GNAS: variants seen among roughly 807,000 people sequenced by gnomAD.
The protein encoded by GNAS is protein ALEX.
A neutral mutation model predicts 54.5 loss-of-function variants in GNAS; 8 were observed. The observed-to-expected ratio is 0.15, with a 90% CI of 0.09 to 0.26. The LOEUF (loss-of-function observed/expected upper bound fraction) is 0.26. Ranked by LOEUF, GNAS falls within the 10% of genes least tolerant of loss-of-function variation. The pLI is 1.00. For synonymous variants in GNAS, 204 were observed against 191.4 expected, an observed-to-expected ratio of 1.07 and a Z score of -0.54; for missense variants, 170 against 529.8, an observed-to-expected ratio of 0.32 and a Z score of 6.67.
At position 58,891,650 on chromosome 20, in the gene GNAS, C is replaced by T. The variant is rs2089346939; in HGVS notation, c.-77C>T. On this transcript the variant is annotated 5_prime_UTR_variant, in exon 1 of 13. Coordinates refer to ENST00000371085, the MANE Select transcript of GNAS (RefSeq NM_000516.7). ...GCCCGCCCGCCCGGCGCTGCCCCGGCCCTCCCGGCCCGCGTGAGGCCGCCC... is the reference window on the plus strand; with the variant it reads ...GCCCGCCCGCCCGGCGCTGCCCCGGTCCTCCCGGCCCGCGTGAGGCCGCCC... The T allele has an allele frequency of 6.2e-6, 6 of 970,962 alleles. No homozygotes were observed. Among genetic ancestry groups the T allele is most frequent in the Non-Finnish European group, 7.3e-6 (6 of 822,714 alleles). The allele number at this position is 970,962 out of a possible 1,614,324, so 60.1% of individuals were successfully genotyped here. A position where few individuals can be genotyped will look rare whatever the true frequency, so the allele number is the denominator to read the frequency against.
chr20:58,854,093 G>T, intron 1 of GNAS: 2 of 1,612,318 alleles, frequency 1.2e-6, no homozygotes, highest in Non-Finnish European at 1.7e-6. Flanking sequence ...CTCCCCTCTG[G>T]GTCCCAGGCG....
chr20:58,858,265 T>C (rs1321373768), intron 1 of GNAS, among the ~76,000 whole-genome samples: 1 of 152,234 alleles, frequency 6.6e-6, no homozygotes, highest in Non-Finnish European at 1.5e-5. Context: ...ATTTGTGACA[T>C]GCAGATTCAT....
At chr20:58,902,036 C>T (rs968754748) in intron 3 of GNAS, among the ~76,000 whole-genome samples, 1 of 151,968 alleles carries the variant, frequency 6.6e-6, no homozygotes, top group Non-Finnish European at 1.5e-5. Flanking sequence ...CTGGGACTCT[C>T]AAAAGATTAA....
At chr20:58,855,501 G>C in intron 1 of GNAS, 1 of 741,466 alleles carries the variant, frequency 1.3e-6, no homozygotes, top group Non-Finnish European at 2.5e-6. Flanking sequence ...ACTGCCCTGG[G>C]AGCGGGAGGG....
chr20:58,901,732 T>G (rs995803410), intron 3 of GNAS, among the ~76,000 whole-genome samples: 12 of 152,120 alleles, frequency 7.9e-5, no homozygotes, highest in Admixed American at 7.2e-4. Flanking sequence ...ACACAGACAT[T>G]TATTCAGAAA....
intron 3 of GNAS, among the ~76,000 whole-genome samples, chr20:58,902,077 TAA>T (rs2090663199): frequency 6.6e-6 from 1 of 151,412 alleles, no homozygotes; most frequent in African/African-American, 2.4e-5. Context: ...GTGAAAAAGA[TAA>T]ACTCTGTCCC....
In GNAS at chr20:58,909,842, GGAGGCCCT is replaced by G. The variant is rs747765301; in HGVS notation, c.839+40_839+47del. The G allele has an allele frequency of 1.9e-6, 3 of 1,612,860 alleles. No homozygotes were observed. The highest frequency in any genetic ancestry group is 2.2e-5 in the South Asian group (2 of 91,046). On this transcript the variant is annotated intron_variant, in intron 10 of 12. Coordinates refer to ENST00000371085, the MANE Select transcript of GNAS (RefSeq NM_000516.7). The surrounding 1 kb of genome is among the most constrained non-coding windows in gnomAD (Gnocchi z 7.3). ...ACCGCCCACCCCCTGCGCTTGCCCA[GGAGGCCCT>G]GGTCTGCACTGTTTATAGAGAAGAA...
chr20:58,890,821 T>G (rs992873362), upstream of GNAS: 5 of 152,482 alleles, frequency 3.3e-5, no homozygotes, highest in Admixed American at 2.0e-4. Flanking sequence ...TGTGTGTGTG[T>G]GGACACATTT....
At chr20:58,855,414 A>C in intron 1 of GNAS, 7 of 1,219,838 alleles carry the variant, frequency 5.7e-6, no homozygotes, top group African/African-American at 1.5e-5. Context: ...TGGTGGGGCT[A>C]GGGGCTCCGC....
intron 1 of GNAS, among the ~76,000 whole-genome samples, chr20:58,858,885 A>C (rs1686510254): frequency 1.3e-5 from 2 of 152,128 alleles, no homozygotes; most frequent in Non-Finnish European, 2.9e-5. Flanking sequence ...ATGGCTTATC[A>C]GGCCACAAAA....
chr20:58,889,196 C>G (rs751181201), upstream of GNAS: 4 of 1,213,038 alleles, frequency 3.3e-6, no homozygotes, highest in East Asian at 2.7e-4. Flanking sequence ...GTCGGCACCG[C>G]GGAGCGGGCT....
intron 2 of GNAS, chr20:58,898,091 ACT>A (rs1380851228): frequency 2.6e-5 from 4 of 152,306 alleles, no homozygotes; most frequent in Non-Finnish European, 5.9e-5. Flanking sequence ...CTCAAAACTA[ACT>A]CTGTTTCTTA....
rs1399124177 is a variant in GNAS, at chr20:58,910,493, T to C, written c.1038+92T>C. On this transcript the variant is annotated intron_variant, in intron 12 of 12. Coordinates refer to ENST00000371085, the MANE Select transcript of GNAS (RefSeq NM_000516.7). This position sits in a 1 kb window ranked among gnomAD's most constrained non-coding sequence, Gnocchi z 5.8. ...TTAATTCCAAATTCAGGGGTTCAGC[T>C]ACCCAGTTCCATGGTTTTAGTTCAC... 2.6e-6 allele frequency: 3 copies of C among 1,175,920 alleles called. No individual in the cohort carries two copies. The African/African-American group carries it at 4.5e-5, about 18-fold the overall frequency. 72.8% of individuals were successfully genotyped at this position (1,175,920 alleles called of 1,614,324 possible).
At chr20:58,846,937 AC>A (rs1156679497) in intron 1 of GNAS, among the ~76,000 whole-genome samples, 33 of 151,786 alleles carry the variant, frequency 2.2e-4, no homozygotes, top group African/African-American at 7.0e-4. Flanking sequence ...TCCAACCCCC[AC>A]TTTTGCCTCT....
chr20:58,905,786 A>C (rs1261781251), intron 6 of GNAS, among the ~76,000 whole-genome samples: 1 of 152,198 alleles, frequency 6.6e-6, no homozygotes, highest in African/African-American at 2.4e-5. Flanking sequence ...ATTGACCCTA[A>C]GCATTTAGGG....
In GNAS at chr20:58,841,679, T is replaced by G. The variant is rs1042651181; in HGVS notation, c.43+793T>G. 9.4e-6 allele frequency: 11 copies of G among 1,166,022 alleles called. No individual in the cohort carries two copies. Among genetic ancestry groups the G allele is most frequent in the Admixed American group, 4.7e-5 (1 of 21,466 alleles). The allele number at this position is 1,166,022 out of a possible 1,614,324, so 72.2% of individuals were successfully genotyped here. A position where few individuals can be genotyped will look rare whatever the true frequency, so the allele number is the denominator to read the frequency against. On this transcript the variant is annotated intron_variant, in intron 1 of 12. Transcript: ENST00000306090. The surrounding 1 kb of genome is among the most constrained non-coding windows in gnomAD (Gnocchi z 5.0). ...TAGGGGAAAGTACCTGGGGGAAAGG[T>G]AGAGGAGGTAAGGGGACCCTTGGGG...
upstream of GNAS, chr20:58,840,273 C>T (rs141238454): frequency 2.0e-5 from 32 of 1,611,942 alleles, no homozygotes; most frequent in Middle Eastern, 1.6e-4. The surrounding 1 kb of genome is among the most constrained non-coding windows in gnomAD (Gnocchi z 6.0). Context: ...CAGCAGCGCG[C>T]GGCTGCCCAA....
intron 2 of GNAS, among the ~76,000 whole-genome samples, chr20:58,897,242 C>G (rs544416247): frequency 2.6e-5 from 4 of 152,158 alleles, no homozygotes; most frequent in Admixed American, 1.3e-4. Flanking sequence ...TTGACACACC[C>G]CTCGATAAAG....
chr20:58,906,403 A>G (rs1222240674), intron 6 of GNAS, among the ~76,000 whole-genome samples: 3 of 152,188 alleles, frequency 2.0e-5, no homozygotes, highest in Non-Finnish European at 2.9e-5. Flanking sequence ...GTCACCCACC[A>G]TGGTCTCTCC....
Sources: gnomAD v4.1 joint callset for allele counts (sites outside exome capture counted in the v4.1 genomes callset) on GRCh38, gnomAD v4.1.1 for gene constraint, Gnocchi (gnomAD v3.1) non-coding constraint, MANE v1.5 for transcripts, NCBI Gene and HGNC (gene_info 2026-07-23, HGNC 2026-07-21) for gene names.